ACTA2: variants seen among roughly 807,000 people sequenced by gnomAD.
ACTA2 encodes actin, aortic smooth muscle.
ACTA2 carries 12 observed loss-of-function variants against 39.5 expected under a neutral mutation model. That is an observed-to-expected ratio of 0.30 (90% CI 0.19 to 0.49). The LOEUF is 0.49. Among genes scored for constraint, ACTA2 ranks in the 20% least tolerant of loss-of-function variants. ACTA2 has a pLI of 0.99. For synonymous variants in ACTA2, 158 were observed against 180.6 expected (o/e 0.88, Z 1.00); for missense variants, 236 against 498.8 (o/e 0.47, Z 5.02).
Position 88,990,392 on chromosome 10 carries a change from C to A in ACTA2, c.-24+547G>T. The A allele has an allele frequency of 2.3e-6, 1 of 434,126 alleles. No homozygotes were observed. The highest frequency in any genetic ancestry group is 4.4e-6 in the Non-Finnish European group (1 of 227,900). 26.9% of individuals were successfully genotyped at this position (434,126 alleles called of 1,614,324 possible). On this transcript the variant is annotated intron_variant, in intron 1 of 4. Transcript: ENST00000415557. This position sits in a 1 kb window ranked among gnomAD's most constrained non-coding sequence, Gnocchi z 4.9. ...TCCCAGGTTGAACTACAGCAGAAGC[C>A]TTTAGAAAGGGCAGGAGGCCGGCTC...
intron 3 of ACTA2, among the ~76,000 whole-genome samples, chr10:88,946,275 C>T (rs1322656900): frequency 8.5e-6 from 1 of 117,076 alleles, no homozygotes; most frequent in Non-Finnish European, 1.7e-5. Flanking sequence ...TTAATTAAAC[C>T]TTTTTTTTTT....
chr10:88,974,765 A>T (rs1262584087), intron 1 of ACTA2: 1 of 152,228 alleles, frequency 6.6e-6, no homozygotes, highest in Non-Finnish European at 1.5e-5. Flanking sequence ...CACTCTAATT[A>T]GGAAGCATTT....
At chr10:88,948,764 T>G in intron 2 of ACTA2, 38 bp downstream of exon 2, 1 of 1,613,070 alleles carries the variant, frequency 6.2e-7, no homozygotes, top group Non-Finnish European at 8.5e-7. Context: ...AGGAACCTAA[T>G]CTGTGTCCTG....
chr10:88,966,085 T>C (rs1279819626), intron 1 of ACTA2, among the ~76,000 whole-genome samples: 1 of 152,180 alleles, frequency 6.6e-6, no homozygotes, highest in African/African-American at 2.4e-5. Flanking sequence ...TCCTAATACA[T>C]TCCTGGGGCT....
At chr10:88,980,906 G>A (rs1331598748) in intron 1 of ACTA2, among the ~76,000 whole-genome samples, 1 of 152,210 alleles carries the variant, frequency 6.6e-6, no homozygotes, top group African/African-American at 2.4e-5. Context: ...CCTCAAAAGT[G>A]CTGAGAAAGT....
intron 1 of ACTA2, among the ~76,000 whole-genome samples, chr10:88,969,405 C>T (rs900098274): frequency 6.6e-6 from 1 of 152,188 alleles, no homozygotes; most frequent in African/African-American, 2.4e-5. Context: ...GGTCACTCTG[C>T]TTTTGATGTC....
Position 88,940,993 on chromosome 10 carries a change from A to G in ACTA2, c.616+236T>C, listed in dbSNP as rs141891642. On this transcript the variant is annotated intron_variant, in intron 6 of 8. Coordinates refer to ENST00000224784, the MANE Select transcript of ACTA2 (RefSeq NM_001613.4). ...AGGGGATTAAAAAAAGATCAATTAT[A>G]CAACACTGACTAATGCATAACACTG... The G allele has an allele frequency of 3.6e-4, 183 of 506,364 alleles. 2 individuals are homozygous for G. The East Asian group carries it at 6.8e-3, about 19-fold the overall frequency. The allele number at this position is 506,364 out of a possible 1,614,324, so 31.4% of individuals were successfully genotyped here. A position where few individuals can be genotyped will look rare whatever the true frequency, so the allele number is the denominator to read the frequency against.
chr10:88,949,197 C>T (rs547927334), intron 1 of ACTA2, among the ~76,000 whole-genome samples: 1 of 152,092 alleles, frequency 6.6e-6, no homozygotes, highest in African/African-American at 2.4e-5. Context: ...GTGTAGTGAC[C>T]GGCATATCAT....
intron 1 of ACTA2, among the ~76,000 whole-genome samples, chr10:88,958,753 A>G (rs971548586): frequency 6.6e-6 from 1 of 152,120 alleles, no homozygotes; most frequent in Non-Finnish European, 1.5e-5. Context: ...ACTAGACCCA[A>G]CTGCCCCAGC....
chr10:88,954,256 A>G (rs1258354446), upstream of ACTA2, among the ~76,000 whole-genome samples: 3 of 152,220 alleles, frequency 2.0e-5, no homozygotes, highest in Non-Finnish European at 4.4e-5. Flanking sequence ...ATACATATAT[A>G]TCTTTGAAGA....
intron 8 of ACTA2, among the ~76,000 whole-genome samples, chr10:88,935,788 T>A (rs995434195): frequency 1.3e-5 from 2 of 152,216 alleles, no homozygotes; most frequent in African/African-American, 4.8e-5. Flanking sequence ...TAGGACTTAG[T>A]ATACAAATGT....
chr10:88,942,289 T>A (rs532240479), intron 4 of ACTA2, among the ~76,000 whole-genome samples: 1 of 152,312 alleles, frequency 6.6e-6, no homozygotes, highest in African/African-American at 2.4e-5. Flanking sequence ...TTGTTAACTA[T>A]GTCAAAGCCA....
chr10:88,989,637 C>T (rs1847048235), intron 1 of ACTA2: 1 of 513,852 alleles, frequency 1.9e-6, no homozygotes, highest in South Asian at 1.4e-5. Flanking sequence ...GGAGGGTAAC[C>T]TAACCTAGAT....
upstream of ACTA2, among the ~76,000 whole-genome samples, chr10:88,955,270 T>C (rs1353378518): frequency 6.6e-6 from 1 of 152,250 alleles, no homozygotes; most frequent in Non-Finnish European, 1.5e-5. Context: ...TACTGGCAAA[T>C]AGCCGTATAA....
intron 1 of ACTA2, among the ~76,000 whole-genome samples, chr10:88,982,710 G>C (rs7085705): frequency 0.28 from 42,618 of 151,942 alleles, 6,382 homozygotes; most frequent in Non-Finnish European, 0.32. Context: ...AGTCAAGTAA[G>C]ACTTGTTTCT....
intron 1 of ACTA2, among the ~76,000 whole-genome samples, chr10:88,971,054 T>C (rs1846434461): frequency 6.6e-6 from 1 of 152,236 alleles, no homozygotes; most frequent in Admixed American, 6.5e-5. Flanking sequence ...TGTCATGATC[T>C]ACAGATGGCA....
intron 1 of ACTA2, among the ~76,000 whole-genome samples, chr10:88,976,286 G>A (rs1846561888): frequency 6.6e-6 from 1 of 152,138 alleles, no homozygotes; most frequent in Non-Finnish European, 1.5e-5. Context: ...GCCATCCTGG[G>A]CTGCATGTGG....
chr10:88,948,486 T>A, intron 2 of ACTA2: 1 of 338,902 alleles, frequency 3.0e-6, no homozygotes, highest in Non-Finnish European at 5.7e-6. Flanking sequence ...AGCTTTGGTA[T>A]ACATCAGGAT....
chr10:88,941,715 G>A, intron 5 of ACTA2, 70 bp downstream of exon 5: 1 of 1,399,704 alleles, frequency 7.1e-7, no homozygotes, highest in Non-Finnish European at 1.0e-6. Context: ...ACCCCCACGT[G>A]TTAACGACCA....
Sources: gnomAD v4.1 joint callset for allele counts (sites outside exome capture counted in the v4.1 genomes callset) on GRCh38, gnomAD v4.1.1 for gene constraint, Gnocchi (gnomAD v3.1) non-coding constraint, MANE v1.5 for transcripts, NCBI Gene and HGNC (gene_info 2026-07-23, HGNC 2026-07-21) for gene names.